Variants in ACSM2A observed in about 807,000 individuals in gnomAD.
The protein encoded by ACSM2A is acyl-coenzyme A synthetase ACSM2A, mitochondrial.
A neutral mutation model predicts 76.6 loss-of-function variants in ACSM2A; 72 were observed. The ratio of observed to expected loss-of-function variants is 0.94; its 90% confidence interval spans 0.78 to 1.14. The LOEUF (loss-of-function observed/expected upper bound fraction) is 1.14, where lower values mean the gene tolerates loss of function less well. Among genes scored for constraint, ACSM2A ranks in the 50% most tolerant of loss-of-function variants. The pLI, the probability that ACSM2A is intolerant of heterozygous loss-of-function variation, is 0.00. For missense variants in ACSM2A, 684 were observed against 708.5 expected (o/e 0.97, Z 0.39); for synonymous variants, 249 against 255.9 (o/e 0.97, Z 0.26).
intron 1 of ACSM2A, 51 bp from the exon 2 acceptor site, chr16:20,460,056 A>G (rs2012512392): frequency 8.4e-6 from 13 of 1,542,888 alleles, no homozygotes; most frequent in African/African-American, 1.4e-5. Context: ...GATGATCAGT[A>G]GAGCAATCTG....
Position 20,483,303 on chromosome 16 carries a change from C to T in ACSM2A, c.1629+126C>T, listed in dbSNP as rs1007570918. ...AAGTCTTCCTGGCTGGGCGCGGCAG[C>T]TCACGCCTGTAATCCCAGCACTTTG... On this transcript the variant is annotated intron_variant, in intron 13 of 13. Transcript: ENST00000573854. The T allele has an allele frequency of 4.2e-6, 6 of 1,433,808 alleles. No homozygotes were observed. In the Admixed American group the frequency reaches 1.2e-4, roughly 29 times the overall value. The allele number at this position is 1,433,808 out of a possible 1,614,324, so 88.8% of individuals were successfully genotyped here.
At chr16:20,467,272 T>C (rs2013057702) in intron 3 of ACSM2A, among the ~76,000 whole-genome samples, 1 of 152,128 alleles carries the variant, frequency 6.6e-6, no homozygotes, top group Non-Finnish European at 1.5e-5. Flanking sequence ...GGCAGTGCCT[T>C]GTGGTCCTTG....
chr16:20,464,991 T>C (rs2012889271), intron 2 of ACSM2A, among the ~76,000 whole-genome samples: 2 of 151,832 alleles, frequency 1.3e-5, no homozygotes, highest in African/African-American at 4.8e-5. Context: ...GAGATACATA[T>C]ATAAATAAAT....
rs138581061 is a variant in ACSM2A at position 20,475,416 on chromosome 16, A to C, written c.949A>C (p.Met317Leu). 9 of 1,613,748 alleles carry C rather than the reference A, an allele frequency of 5.6e-6. No individual in the cohort carries two copies. Among genetic ancestry groups the C allele is most frequent in the Non-Finnish European group, 6.8e-6 (8 of 1,179,744 alleles). Residue 317 changes from methionine to leucine, a missense_variant, in exon 7 of 14, where the codon ATG becomes CTG. Met to Leu is a conservative substitution (Grantham distance 15, BLOSUM62 2). Coordinates refer to ENST00000573854, the MANE Select transcript of ACSM2A (RefSeq NM_001308172.2). ...SMMGAPIVYR[M>L]LLQQDLSSYK... ...GATGGGTGCCCCCATTGTTTACCGG[A>C]TGTTGCTACAGCAGGATCTTTCCAG...
chr16:20,475,850 A>G (rs1424402167), intron 8 of ACSM2A, 77 bp downstream of exon 8: 11 of 1,597,364 alleles, frequency 6.9e-6, no homozygotes, highest in Non-Finnish European at 9.4e-6. Context: ...AAAAATTGTT[A>G]GCCACCATGT....
rs745834951 is a variant in ACSM2A at position 20,471,077 on chromosome 16, G to A, written c.601G>A (p.Ala201Thr). 5.0e-5 allele frequency: 81 copies of A among 1,613,158 alleles called. No homozygotes were observed. The East Asian group carries it at 1.7e-3, about 35-fold the overall frequency. Residue 201 changes from alanine to threonine, a missense_variant, in exon 5 of 14, where the codon GCA (alanine) becomes ACA (threonine). Ala to Thr is a moderately conservative substitution (Grantham distance 58). This residue lies in a region of ACSM2A where 519 missense variants were observed against 549.5 expected (regional missense o/e 0.94). Transcript: ENST00000573854. The part of the protein sequence containing the change: ...WLNFKKLLNE[A>T]STTHHCVETG... Reference sequence around the variant, plus strand: ...GACAATCTGTGTCTCTGTCAGTGAGGCATCCACCACTCATCACTGTGTGGA... The same window carrying A: ...GACAATCTGTGTCTCTGTCAGTGAGACATCCACCACTCATCACTGTGTGGA...
At chr16:20,480,776 A>G in intron 11 of ACSM2A, 46 bp from the exon 12 acceptor site, 2 of 1,613,700 alleles carry the variant, frequency 1.2e-6, no homozygotes, top group Non-Finnish European at 8.5e-7. Flanking sequence ...GGAATGGCCT[A>G]GAGGTTCGGT....
rs1156798606 is a variant in ACSM2A at position 20,478,490 on chromosome 16, C to A, written c.1180-86C>A. ...TCTCCACTAGAGCAAGAGGGTCTTT[C>A]ATTTGACCAATTCAGCAATCTCATG... On this transcript the variant is annotated intron_variant, in intron 9 of 13. Transcript: ENST00000573854. 7 of 1,498,694 alleles carry A rather than the reference C, an allele frequency of 4.7e-6. No individual in the cohort carries two copies. The South Asian group carries it at 9.0e-5, about 19-fold the overall frequency. 92.8% of individuals were successfully genotyped at this position (1,498,694 alleles called of 1,614,324 possible).
intron 12 of ACSM2A, 136 bp downstream of exon 12, chr16:20,481,057 A>C (rs1035828638): frequency 2.7e-6 from 3 of 1,132,058 alleles, no homozygotes; most frequent in Non-Finnish European, 2.5e-6. Flanking sequence ...TAGCTATGTG[A>C]CCTTGGGCAA....
At chr16:20,477,304 T>A in intron 8 of ACSM2A, 65 bp from the exon 9 acceptor site, 1 of 1,570,994 alleles carries the variant, frequency 6.4e-7, no homozygotes, top group Non-Finnish European at 8.6e-7. Context: ...TGCAGAAATT[T>A]TTTCTTTTTC....
At chr16:20,480,738 T>C in intron 11 of ACSM2A, 38 bp downstream of exon 11, 1 of 1,609,890 alleles carries the variant, frequency 6.2e-7, no homozygotes, top group Non-Finnish European at 8.5e-7. Context: ...GAAATCTGGG[T>C]CTTTACTCTG....
chr16:20,463,573 T>C (rs1260663597), intron 2 of ACSM2A, among the ~76,000 whole-genome samples: 7 of 151,974 alleles, frequency 4.6e-5, no homozygotes, highest in Non-Finnish European at 8.8e-5. Flanking sequence ...CTGCTCCCCC[T>C]TCACCTTCTT....
chr16:20,482,988 A>AATTGAAATT, intron 12 of ACSM2A, 70 bp from the exon 13 acceptor site: 1 of 1,581,604 alleles, frequency 6.3e-7, no homozygotes, highest in Non-Finnish European at 8.6e-7. Context: ...TCTTAATGCC[A>AATTGAAATT]ATTTCACATT....
chr16:20,480,958 T>C (rs2014049884), intron 12 of ACSM2A, 37 bp downstream of exon 12: 1 of 1,612,446 alleles, frequency 6.2e-7, no homozygotes, highest in Non-Finnish European at 8.5e-7. Flanking sequence ...TGAACACATA[T>C]GAACACAAGG....
At chr16:20,480,426 G>A (rs1281927782) in intron 10 of ACSM2A, 147 bp from the exon 11 acceptor site, 10 of 1,425,262 alleles carry the variant, frequency 7.0e-6, no homozygotes, top group African/African-American at 2.8e-5. Context: ...CCTAGGGTTG[G>A]CTGGTTCAGG....
chr16:20,484,055 C>T (rs986688947), intron 13 of ACSM2A, among the ~76,000 whole-genome samples: 3 of 149,720 alleles, frequency 2.0e-5, no homozygotes, highest in Non-Finnish European at 4.4e-5. Flanking sequence ...TCTCCAAAGG[C>T]CTCAACAAAA....
At chr16:20,481,864 T>C (rs2014104634) in intron 12 of ACSM2A, 1 of 106,000 alleles carries the variant, frequency 9.4e-6, no homozygotes, top group Non-Finnish European at 2.1e-5. Context: ...TATGAAATGA[T>C]AAAAACTTTT....
chr16:20,470,037 C>T (rs2013289164), intron 4 of ACSM2A, among the ~76,000 whole-genome samples: 2 of 152,026 alleles, frequency 1.3e-5, no homozygotes, highest in Non-Finnish European at 2.9e-5. Context: ...CAGGGTTGTC[C>T]TGGGGGTGTT....
At chr16:20,470,797 G>C (rs1424930146) in intron 4 of ACSM2A, 1 of 611,656 alleles carries the variant, frequency 1.6e-6, no homozygotes, top group Non-Finnish European at 3.0e-6. Flanking sequence ...TATAAGACTT[G>C]ATCTCACTTT....
Sources: gnomAD v4.1 joint callset for allele counts (sites outside exome capture counted in the v4.1 genomes callset) on GRCh38, gnomAD v4.1.1 for gene constraint, gnomAD v4.1.1 regional missense constraint, MANE v1.5 for transcripts, NCBI Gene and HGNC (gene_info 2026-07-23, HGNC 2026-07-21) for gene names.